PARP8: variants seen among roughly 807,000 people sequenced by gnomAD.
PARP8 encodes the protein protein mono-ADP-ribosyltransferase PARP8.
A neutral mutation model predicts 124.1 loss-of-function variants in PARP8; 51 were observed. The ratio of observed to expected loss-of-function variants is 0.41; its 90% CI spans 0.33 to 0.52. The LOEUF is 0.52. Ranked by LOEUF, PARP8 falls within the 20% of genes least tolerant of loss-of-function variation. PARP8 has a pLI of 0.21. For missense variants in PARP8, 860 were observed against 1,018.9 expected, an observed-to-expected ratio of 0.84 and a Z score of 2.12; for synonymous variants, 391 against 361.5, an observed-to-expected ratio of 1.08 and a Z score of -0.93.
At chr5:50,788,472 T>A in intron 9 of PARP8, 51 bp from the exon 10 acceptor site, 1 of 1,532,474 alleles carries the variant, frequency 6.5e-7, no homozygotes, top group South Asian at 1.1e-5. Flanking sequence ...GGCTGATGGT[T>A]GAGTTTCAGT....
In PARP8 at chr5:50,759,692, T is replaced by C. The variant is rs768257530; in HGVS notation, c.234T>C (p.Thr78=). 2 of 1,581,780 alleles carry C rather than the reference T, an allele frequency of 1.3e-6. No individual in the cohort carries two copies. Among genetic ancestry groups the C allele is most frequent in the Admixed American group, 3.7e-5 (2 of 54,692 alleles). ...AGAATGATGAAGATGTGCTAGTTAC[T>C]ACAGAGCCAATACCAGTAATTTTTC... The part of the protein sequence containing the change: ...SSENDEDVLV[T]TEPIPVIFHR... The change falls in exon 4 of 26, where the codon ACT becomes ACC. Residue 78 remains threonine (T), a synonymous_variant. Transcript: ENST00000281631.
chr5:50,811,357 T>A (rs931164186), intron 14 of PARP8, among the ~76,000 whole-genome samples: 1 of 151,822 alleles, frequency 6.6e-6, no homozygotes, highest in African/African-American at 2.4e-5. Flanking sequence ...ATTTTGCTTG[T>A]TTGTTATTCG....
At chr5:50,698,982 A>G (rs1310227329) in intron 2 of PARP8, among the ~76,000 whole-genome samples, 2 of 152,128 alleles carry the variant, frequency 1.3e-5, no homozygotes, top group African/African-American at 2.4e-5. Context: ...AAAAATTCCA[A>G]CCTTGCCTCC....
At chr5:50,815,991 A>T (rs1480268536) in intron 15 of PARP8, among the ~76,000 whole-genome samples, 1 of 150,120 alleles carries the variant, frequency 6.7e-6, no homozygotes, top group Non-Finnish European at 1.5e-5. Flanking sequence ...AAATTTCCAG[A>T]TTTTTTTTTT....
chr5:50,684,886 CAG>C (rs1751686056), intron 2 of PARP8, among the ~76,000 whole-genome samples: 1 of 152,102 alleles, frequency 6.6e-6, no homozygotes. Flanking sequence ...GAAAGGCTAT[CAG>C]GGGACTTTTG....
chr5:50,780,740 T>C (rs1433834129), intron 9 of PARP8, among the ~76,000 whole-genome samples: 1 of 152,206 alleles, frequency 6.6e-6, no homozygotes, highest in Non-Finnish European at 1.5e-5. Context: ...TCATACCTGA[T>C]AATGACTTTT....
At chr5:50,757,164 T>C (rs1441194683) in intron 3 of PARP8, 1 of 455,988 alleles carries the variant, frequency 2.2e-6, no homozygotes, top group African/African-American at 2.0e-5. Flanking sequence ...GAGATATTGC[T>C]TCAAGATCCT....
At chr5:50,710,253 G>GTGCACATTT (rs1754636759) in intron 2 of PARP8, among the ~76,000 whole-genome samples, 1 of 151,854 alleles carries the variant, frequency 6.6e-6, no homozygotes, top group African/African-American at 2.4e-5. Context: ...TTTTGCTGCT[G>GTGCACATTT]TTATCATAGG....
At position 50,727,984 on chromosome 5, in the gene PARP8, T is replaced by A. The variant is rs1328910818; in HGVS notation, c.147-22167T>A. Among the ~76,000 whole-genome samples, 3 of 152,312 alleles carry A rather than the reference T, an allele frequency of 2.0e-5. No individual in the cohort carries two copies. The East Asian group carries it at 5.8e-4, about 29-fold the overall frequency. ...TGTCTATTTTTACTTTCCACCTGTGTTGGCACAGAGTGGGTCTTCAGTAAT... is the reference window on the plus strand; with the variant it reads ...TGTCTATTTTTACTTTCCACCTGTGATGGCACAGAGTGGGTCTTCAGTAAT... On this transcript the variant is annotated intron_variant, in intron 2 of 25. Coordinates refer to ENST00000281631, the MANE Select transcript of PARP8 (RefSeq NM_024615.4).
chr5:50,776,656 T>C (rs1364640721), intron 7 of PARP8, among the ~76,000 whole-genome samples: 2 of 152,202 alleles, frequency 1.3e-5, no homozygotes, highest in Non-Finnish European at 2.9e-5. Flanking sequence ...AGAGGCTACT[T>C]TATATTCTAA....
chr5:50,672,673 G>GA (rs1750164630), intron 2 of PARP8, among the ~76,000 whole-genome samples: 1 of 152,132 alleles, frequency 6.6e-6, no homozygotes, highest in Non-Finnish European at 1.5e-5. Flanking sequence ...TAATTCAGTT[G>GA]AAAAAATCAA....
intron 9 of PARP8, among the ~76,000 whole-genome samples, chr5:50,785,104 C>A (rs1186375471): frequency 1.3e-5 from 2 of 151,856 alleles, no homozygotes; most frequent in East Asian, 3.8e-4. Context: ...TTATGAATTA[C>A]AAATTGCGAA....
At chr5:50,817,890 A>G (rs942492043) in intron 15 of PARP8, among the ~76,000 whole-genome samples, 7 of 152,252 alleles carry the variant, frequency 4.6e-5, no homozygotes, top group Admixed American at 4.6e-4. Flanking sequence ...GTTGAATTGT[A>G]GGTAATGTAA....
chr5:50,721,907 T>C (rs1377380617), intron 2 of PARP8, among the ~76,000 whole-genome samples: 3 of 152,136 alleles, frequency 2.0e-5, no homozygotes, highest in Non-Finnish European at 4.4e-5. Context: ...TCTTATAAGA[T>C]ACTCTGTTCT....
At chr5:50,677,966 G>C (rs1489114111) in intron 2 of PARP8, among the ~76,000 whole-genome samples, 1 of 151,038 alleles carries the variant, frequency 6.6e-6, no homozygotes, top group African/African-American at 2.4e-5. Flanking sequence ...ATATACATTT[G>C]AATCAGGAAA....
intron 11 of PARP8, among the ~76,000 whole-genome samples, chr5:50,794,582 T>TC (rs1464191883): frequency 6.6e-6 from 1 of 152,236 alleles, no homozygotes; most frequent in East Asian, 1.9e-4. Flanking sequence ...CTAGAGTTTT[T>TC]CCTACCAAAA....
intron 2 of PARP8, among the ~76,000 whole-genome samples, chr5:50,736,171 A>G (rs1017604481): frequency 6.6e-6 from 1 of 152,162 alleles, no homozygotes; most frequent in African/African-American, 2.4e-5. Flanking sequence ...ATACCCTGCA[A>G]AAGAAGTTAA....
chr5:50,681,400 G>A (rs1442238291), intron 2 of PARP8, among the ~76,000 whole-genome samples: 2 of 151,944 alleles, frequency 1.3e-5, no homozygotes, highest in Admixed American at 6.6e-5. Context: ...CTGATCTGAG[G>A]CATTCTTGAT....
At chr5:50,711,901 G>A (rs1420702631) in intron 2 of PARP8, among the ~76,000 whole-genome samples, 1 of 152,014 alleles carries the variant, frequency 6.6e-6, no homozygotes, top group East Asian at 1.9e-4. Flanking sequence ...AGCGAGTAGA[G>A]TAAATCATAG....
Sources: gnomAD v4.1 joint callset for allele counts (sites outside exome capture counted in the v4.1 genomes callset) on GRCh38, gnomAD v4.1.1 for gene constraint, MANE v1.5 for transcripts, NCBI Gene and HGNC (gene_info 2026-07-23, HGNC 2026-07-21) for gene names.